The following EFCAB5 variants were observed in gnomAD, a reference collection of about 807,000 sequenced individuals.
EFCAB5 encodes EF-hand calcium-binding domain-containing protein 5.
Under a neutral mutation model 167.9 loss-of-function variants are expected in EFCAB5, and 131 were observed. The observed-to-expected ratio is 0.78, with a 90% CI of 0.68 to 0.90. The LOEUF is 0.90. Among genes scored for constraint, EFCAB5 ranks in the 40% least tolerant of loss-of-function variants. The probability of loss-of-function intolerance (pLI) is 0.00; values close to 1 mark genes in which losing one functional copy is unlikely to be tolerated. For synonymous variants in EFCAB5, 574 were observed against 602.8 expected, an observed-to-expected ratio of 0.95 and a Z score of 0.70; for missense variants, 1,663 against 1,745.2, an observed-to-expected ratio of 0.95 and a Z score of 0.84.
chr17:30,017,229 A>G (rs1274398433), intron 7 of EFCAB5, among the ~76,000 whole-genome samples: 2 of 152,074 alleles, frequency 1.3e-5, no homozygotes, highest in East Asian at 1.9e-4. Context: ...AAACCACACA[A>G]AAAATAGAAT....
At chr17:30,068,758 T>C in intron 14 of EFCAB5, 1 of 1,409,024 alleles carries the variant, frequency 7.1e-7, no homozygotes, top group Non-Finnish European at 1.0e-6. Context: ...CAGGAGTCCC[T>C]GGCCCAAGGG....
chr17:30,056,208 T>C (rs905848180), intron 12 of EFCAB5, 52 bp downstream of exon 12: 1 of 1,472,680 alleles, frequency 6.8e-7, no homozygotes, highest in Admixed American at 2.0e-5. Flanking sequence ...TAGATGGATT[T>C]AATTTACTGT....
At chr17:30,092,566 T>C in intron 21 of EFCAB5, among the ~76,000 whole-genome samples, 1 of 152,132 alleles carries the variant, frequency 6.6e-6, no homozygotes, top group Non-Finnish European at 1.5e-5. Flanking sequence ...TTTCTGTATT[T>C]TTAGTTGAAA....
At chr17:30,056,179 G>A (rs1166941084) in intron 12 of EFCAB5, 23 bp downstream of exon 12, 1 of 1,581,208 alleles carries the variant, frequency 6.3e-7, no homozygotes, top group Admixed American at 1.8e-5. Flanking sequence ...AATGAAAGTA[G>A]GAATAGATGG....
chr17:30,007,948 A>G (rs1200401067), intron 7 of EFCAB5, among the ~76,000 whole-genome samples: 2 of 152,108 alleles, frequency 1.3e-5, no homozygotes, highest in Non-Finnish European at 2.9e-5. Context: ...TGATTGCACC[A>G]CTGCACTCTG....
At chr17:29,949,873 A>C (rs1385414147) in intron 3 of EFCAB5, among the ~76,000 whole-genome samples, 2 of 152,248 alleles carry the variant, frequency 1.3e-5, no homozygotes, top group Admixed American at 1.3e-4. Flanking sequence ...AATGATAGCC[A>C]AGTACACTAG....
At chr17:30,060,902 C>T (rs2070407430) in intron 14 of EFCAB5, among the ~76,000 whole-genome samples, 1 of 152,198 alleles carries the variant, frequency 6.6e-6, no homozygotes, top group Non-Finnish European at 1.5e-5. Flanking sequence ...TGATCTTTGG[C>T]AAGTTCCTTA....
At chr17:29,947,632 T>G (rs2067430060) in intron 3 of EFCAB5, among the ~76,000 whole-genome samples, 1 of 152,168 alleles carries the variant, frequency 6.6e-6, no homozygotes, top group African/African-American at 2.4e-5. Context: ...AACTTAGTAC[T>G]GTTTTCACAG....
intron 8 of EFCAB5, among the ~76,000 whole-genome samples, chr17:30,049,906 G>T (rs1413022861): frequency 6.6e-6 from 1 of 152,082 alleles, no homozygotes; most frequent in African/African-American, 2.4e-5. Flanking sequence ...CACAGGAGAC[G>T]TGTATAAGGA....
At chr17:30,095,962 T>A (rs1278772313) in intron 22 of EFCAB5, among the ~76,000 whole-genome samples, 2 of 152,138 alleles carry the variant, frequency 1.3e-5, no homozygotes, top group Admixed American at 6.5e-5. Context: ...ACCATTTATT[T>A]ACAAGTTGCT....
chr17:30,082,464 C>T (rs1567766881), intron 17 of EFCAB5, among the ~76,000 whole-genome samples: 3 of 137,634 alleles, frequency 2.2e-5, no homozygotes, highest in Admixed American at 1.6e-4. Context: ...GATCTCAGCT[C>T]ACTGCAACCT....
intron 6 of EFCAB5, among the ~76,000 whole-genome samples, chr17:29,997,338 G>T (rs1231007696): frequency 6.6e-6 from 1 of 151,842 alleles, no homozygotes; most frequent in Non-Finnish European, 1.5e-5. Flanking sequence ...TAATAGAGTA[G>T]TCAGACATTT....
chr17:30,032,025 A>T (rs1333774050), intron 7 of EFCAB5: 1 of 152,172 alleles, frequency 6.6e-6, no homozygotes, highest in Non-Finnish European at 1.5e-5. Context: ...CAACAGAGTG[A>T]GACCCTGTCT....
chr17:30,021,163 GAA>G (rs954817572), intron 7 of EFCAB5, among the ~76,000 whole-genome samples: 1 of 151,074 alleles, frequency 6.6e-6, no homozygotes, highest in Non-Finnish European at 1.5e-5. Context: ...AGGATGTGAG[GAA>G]TATGACTGGG....
chr17:30,073,308 C>T (rs113517140), intron 14 of EFCAB5: 26,313 of 551,920 alleles, frequency 0.048, 1,735 homozygotes, highest in African/African-American at 0.23. Context: ...CCTCTCACCT[C>T]AGTCTCCCGA....
intron 3 of EFCAB5, among the ~76,000 whole-genome samples, chr17:29,951,772 G>A (rs2067517955): frequency 6.6e-6 from 1 of 152,058 alleles, no homozygotes; most frequent in Admixed American, 6.6e-5. Context: ...GTCACAAACA[G>A]TACAAGGGGC....
chr17:30,008,594 A>C (rs2068825627), intron 7 of EFCAB5, among the ~76,000 whole-genome samples: 1 of 152,046 alleles, frequency 6.6e-6, no homozygotes, highest in South Asian at 2.1e-4. Flanking sequence ...CATCTCAAAA[A>C]AAAAAAATTT....
At chr17:30,050,341 G>C (rs1475965528) in intron 8 of EFCAB5, among the ~76,000 whole-genome samples, 1 of 152,048 alleles carries the variant, frequency 6.6e-6, no homozygotes, top group South Asian at 2.1e-4. Flanking sequence ...CTCTGCGTTG[G>C]TCAGGCTGGT....
At position 29,935,710 on chromosome 17, in the gene EFCAB5, G is replaced by GAA. The variant is rs35613362; in HGVS notation, c.-127+6391_-127+6392dup. ...GTAATTCATCCCACCTTAAGGGCTA[G>GAA]AAAAAAAAAAACAAACAAACAAAAA... On this transcript the variant is annotated intron_variant, in intron 1 of 3. Transcript: ENST00000448319. Among the ~76,000 whole-genome samples the GAA allele has an allele frequency of 1.2e-3, 179 of 146,096 alleles. 1 individual carries two copies. Among genetic ancestry groups the GAA allele is most frequent in the Middle Eastern group, 3.5e-3 (1 of 282 alleles).
Sources: allele counts gnomAD v4.1 joint callset (sites outside exome capture counted in the v4.1 genomes callset), GRCh38; gene constraint gnomAD v4.1.1; transcripts MANE v1.5; gene names NCBI Gene and HGNC (gene_info 2026-07-23, HGNC 2026-07-21).